Variants in EEPD1 observed in about 807,000 individuals in gnomAD.
EEPD1 encodes the protein endonuclease/exonuclease/phosphatase family domain containing 1, also known as endonuclease/exonuclease/phosphatase family domain-containing protein 1.
EEPD1 carries 17 observed loss-of-function variants against 46.3 expected under a neutral mutation model. The ratio of observed to expected loss-of-function variants is 0.37; its 90% confidence interval spans 0.25 to 0.55. The LOEUF is 0.55. EEPD1 is among the 20% of genes least tolerant of loss of function. The probability of loss-of-function intolerance (pLI) is 0.83; values close to 1 mark genes in which losing one functional copy is unlikely to be tolerated. For missense variants in EEPD1, 673 were observed against 745.6 expected, an observed-to-expected ratio of 0.90 and a Z score of 1.13; for synonymous variants, 313 against 315.6, an observed-to-expected ratio of 0.99 and a Z score of 0.09.
intron 2 of EEPD1, among the ~76,000 whole-genome samples, chr7:36,219,792 AGAGAGAGAGAGAGAGT>A (rs1401503490): frequency 2.2e-5 from 2 of 92,200 alleles, no homozygotes; most frequent in African/African-American, 6.5e-5. Flanking sequence ...AGAGAGAGAG[AGAGAGAGAGAGAGAGT>A]GTGTGTGTGT....
At chr7:36,220,992 A>G (rs1786135382) in intron 2 of EEPD1, among the ~76,000 whole-genome samples, 1 of 152,134 alleles carries the variant, frequency 6.6e-6, no homozygotes, top group Admixed American at 6.5e-5. Context: ...GTATTTTATT[A>G]GAGACAGGGT....
chr7:36,159,451 C>T (rs1784870730), intron 2 of EEPD1, among the ~76,000 whole-genome samples: 1 of 152,190 alleles, frequency 6.6e-6, no homozygotes, highest in African/African-American at 2.4e-5. Flanking sequence ...TTGTGAAATC[C>T]ATTTTGACAC....
chr7:36,275,510 G>A (rs907880131), intron 3 of EEPD1, among the ~76,000 whole-genome samples: 5 of 152,050 alleles, frequency 3.3e-5, no homozygotes, highest in Non-Finnish European at 5.9e-5. Flanking sequence ...GTAGTGGCGC[G>A]ATCTCGGCTC....
Position 36,287,460 on chromosome 7 carries a change from G to A in EEPD1, c.1177-179G>A, listed in dbSNP as rs962289370. On this transcript the variant is annotated intron_variant, in intron 5 of 7. Coordinates refer to ENST00000242108, the MANE Select transcript of EEPD1 (RefSeq NM_030636.3). ...AACAAAATAGGCCTTGTTCCTGCAG[G>A]TGCCTTGGAAAAATCGAAGATGAAA... 12 of 889,436 alleles carry A rather than the reference G, an allele frequency of 1.3e-5. No homozygotes were observed. In the East Asian group the frequency reaches 2.0e-4, roughly 15 times the overall value. 55.1% of individuals were successfully genotyped at this position (889,436 alleles called of 1,614,324 possible). A position where few individuals can be genotyped will look rare whatever the true frequency, so the allele number is the denominator to read the frequency against.
intron 2 of EEPD1, among the ~76,000 whole-genome samples, chr7:36,173,258 G>T (rs532132710): frequency 1.3e-5 from 2 of 151,452 alleles, no homozygotes; most frequent in East Asian, 1.9e-4. Flanking sequence ...GGAGGCCAAG[G>T]GGGGCGGATC....
chr7:36,289,428 A>G (rs1056845759), intron 6 of EEPD1, among the ~76,000 whole-genome samples: 75 of 152,184 alleles, frequency 4.9e-4, no homozygotes, highest in African/African-American at 1.8e-3. Flanking sequence ...GAATGATAAT[A>G]TTTGTCCTTT....
intron 2 of EEPD1, among the ~76,000 whole-genome samples, chr7:36,159,125 C>T (rs557149962): frequency 8.5e-5 from 13 of 152,274 alleles, no homozygotes; most frequent in Admixed American, 2.0e-4. Flanking sequence ...TAAACATATC[C>T]CATCTTGTCA....
intron 3 of EEPD1, among the ~76,000 whole-genome samples, chr7:36,259,303 C>T (rs561709238): frequency 2.6e-5 from 4 of 152,254 alleles, no homozygotes; most frequent in African/African-American, 9.6e-5. Flanking sequence ...ATCTTGCCAG[C>T]CTCCCCATAT....
chr7:36,252,053 C>T (rs138082860), intron 3 of EEPD1, among the ~76,000 whole-genome samples: 2 of 152,280 alleles, frequency 1.3e-5, no homozygotes, highest in East Asian at 3.9e-4. Context: ...CCACTGCCAT[C>T]TTTTACTCAC....
chr7:36,284,801 C>A lies in EEPD1; in HGVS notation c.1157C>A (p.Pro386Gln), dbSNP rs556314080. Reference protein sequence around the residue: ...NGHGKLAGPSPYLGRFKVGSH... With the variant: ...NGHGKLAGPSQYLGRFKVGSH... ...CACGGGAAGCTGGCGGGCCCCAGCC[C>A]ATACCTCGGGAGGTTCAAGGTACCC... Residue 386 changes from proline (P) to glutamine (Q), a missense_variant, in exon 5 of 8, where the codon CCA becomes CAA. Coordinates refer to ENST00000242108, the MANE Select transcript of EEPD1 (RefSeq NM_030636.3). 2.6e-6 allele frequency: 4 copies of A among 1,561,570 alleles called. No individual in the cohort carries two copies. In the East Asian group the frequency reaches 9.6e-5, roughly 37 times the overall value.
intron 7 of EEPD1, among the ~76,000 whole-genome samples, chr7:36,298,536 C>T (rs985266815): frequency 6.6e-6 from 1 of 152,184 alleles, no homozygotes; most frequent in Non-Finnish European, 1.5e-5. Flanking sequence ...TTAAAAATAC[C>T]ATTACTTTCT....
At chr7:36,260,148 T>C (rs1786898597) in intron 3 of EEPD1, among the ~76,000 whole-genome samples, 1 of 152,244 alleles carries the variant, frequency 6.6e-6, no homozygotes, top group South Asian at 2.1e-4. Context: ...TTATAATTAC[T>C]GATGCTGTTC....
At chr7:36,237,351 GCTCCTGAA>G (rs1193402378) in intron 2 of EEPD1, among the ~76,000 whole-genome samples, 1 of 152,202 alleles carries the variant, frequency 6.6e-6, no homozygotes, top group African/African-American at 2.4e-5. Flanking sequence ...TGTCTAGGCT[GCTCCTGAA>G]CTCCTGAGCT....
At chr7:36,181,650 GGA>G (rs1178244460) in intron 2 of EEPD1, among the ~76,000 whole-genome samples, 1 of 152,176 alleles carries the variant, frequency 6.6e-6, no homozygotes, top group African/African-American at 2.4e-5. Context: ...TAAAGGTGTA[GGA>G]GATAAAGAAA....
At chr7:36,153,993 T>A in intron 1 of EEPD1, 140 bp from the exon 2 acceptor site, 1 of 371,446 alleles carries the variant, frequency 2.7e-6, no homozygotes, top group Admixed American at 4.4e-5. Context: ...GGGCCTAGCC[T>A]CATTGTGCCT....
intron 2 of EEPD1, among the ~76,000 whole-genome samples, chr7:36,188,031 C>T (rs1234330796): frequency 6.6e-6 from 1 of 152,106 alleles, no homozygotes; most frequent in Non-Finnish European, 1.5e-5. Flanking sequence ...CACTTGTCCT[C>T]GTGATCCGCC....
chr7:36,230,723 A>G (rs1483827740), intron 2 of EEPD1: 2 of 152,170 alleles, frequency 1.3e-5, no homozygotes, highest in Non-Finnish European at 2.9e-5. Flanking sequence ...CACGCGGCTG[A>G]TGCACTTACC....
intron 3 of EEPD1, among the ~76,000 whole-genome samples, chr7:36,274,950 G>A (rs73686806): frequency 0.017 from 2,646 of 152,228 alleles, 96 homozygotes; most frequent in African/African-American, 0.061. Flanking sequence ...CTAAGACAAG[G>A]GCTTCTTTCT....
Position 36,281,129 on chromosome 7 carries a change from A to G in EEPD1, c.945A>G (p.Leu315=). ...REALEKFCTE[L]NQPTLPNIRK... The stretch of plus-strand genomic sequence containing the variant: ...TGTCTTTGCAGTTCTGCACGGAGCT[A>G]AACCAGCCGACCCTGCCCAACATCC... The change falls in exon 4 of 8, where the codon CTA becomes CTG. Residue 315 remains leucine, a synonymous_variant. Transcript: ENST00000242108. 1.2e-6 allele frequency: 2 copies of G among 1,614,106 alleles called. No individual in the cohort carries two copies. The highest frequency in any genetic ancestry group is 2.2e-5 in the East Asian group (1 of 44,878).
Sources: gnomAD v4.1 joint callset for allele counts (sites outside exome capture counted in the v4.1 genomes callset) on GRCh38, gnomAD v4.1.1 for gene constraint, MANE v1.5 for transcripts, NCBI Gene and HGNC (gene_info 2026-07-23, HGNC 2026-07-21) for gene names.